Variants in ARHGEF1 observed in about 807,000 individuals in gnomAD.
ARHGEF1 encodes Rho guanine nucleotide exchange factor 1, also known as 115 kDa guanine nucleotide exchange factor.
In ARHGEF1, 40 loss-of-function variants were observed where a neutral mutation model predicts 119.7. The ratio of observed to expected loss-of-function variants is 0.33; its 90% CI spans 0.26 to 0.44. The LOEUF is 0.44. Ranked by LOEUF, ARHGEF1 falls within the 20% of genes least tolerant of loss-of-function variation. ARHGEF1 has a pLI of 1.00. For missense variants in ARHGEF1, 976 were observed against 1,268.3 expected, an observed-to-expected ratio of 0.77 and a Z score of 3.50; for synonymous variants, 494 against 521.0, an observed-to-expected ratio of 0.95 and a Z score of 0.71.
chr19:41,884,549 G>C, intron 1 of ARHGEF1: 2 of 1,594,054 alleles, frequency 1.3e-6, no homozygotes, highest in South Asian at 2.2e-5. Context: ...GTCCTCCCCG[G>C]CATCCCTGGC....
chr19:41,920,863 G>C (rs544664247), upstream of ARHGEF1, among the ~76,000 whole-genome samples: 4 of 152,356 alleles, frequency 2.6e-5, no homozygotes, highest in African/African-American at 9.6e-5. Context: ...CAGAGACAGA[G>C]AGGCCTGTGG....
chr19:41,920,859 CAG>C (rs1187806658), upstream of ARHGEF1, among the ~76,000 whole-genome samples: 2 of 152,346 alleles, frequency 1.3e-5, no homozygotes, highest in East Asian at 1.9e-4. Flanking sequence ...AGGCCAGAGA[CAG>C]AGAGGCCTGT....
Position 41,903,603 on chromosome 19 carries a change from C to T in ARHGEF1, c.1840-104C>T. 1.5e-6 allele frequency: 2 copies of T among 1,296,278 alleles called. No homozygotes were observed. Among genetic ancestry groups the T allele is most frequent in the Non-Finnish European group, 2.2e-6 (2 of 919,444 alleles). The allele number at this position is 1,296,278 out of a possible 1,614,324, so 80.3% of individuals were successfully genotyped here. On this transcript the variant is annotated intron_variant, in intron 19 of 28. Coordinates refer to ENST00000354532, the MANE Select transcript of ARHGEF1 (RefSeq NM_004706.4). This position sits in a 1 kb window ranked among gnomAD's most constrained non-coding sequence, Gnocchi z 4.2. ...GAGGTCAGGCCCAACCCTCAGCTTG[C>T]CCGCATCAGAAGTTGGTCTTGGCTC...
chr19:41,899,159 T>C (rs530337299), intron 14 of ARHGEF1, among the ~76,000 whole-genome samples: 1 of 151,930 alleles, frequency 6.6e-6, no homozygotes, highest in East Asian at 1.9e-4. Flanking sequence ...TGGCTAATTT[T>C]TGTATTCTTT....
chr19:41,898,275 A>T, intron 13 of ARHGEF1, 167 bp from the exon 14 acceptor site: 1 of 1,298,602 alleles, frequency 7.7e-7, no homozygotes, highest in Non-Finnish European at 1.0e-6. Context: ...GCTTCTAGAG[A>T]TCTGGGAACT....
chr19:41,914,610 CT>C (rs1470874852), intron 18 of ARHGEF1, among the ~76,000 whole-genome samples: 6 of 56,348 alleles, frequency 1.1e-4, no homozygotes, highest in Non-Finnish European at 1.6e-4. Flanking sequence ...CTGTCTCTCC[CT>C]CCCCTTCCAC....
At chr19:41,909,514 C>T (rs572185116), downstream of ARHGEF1, 11 of 1,245,412 alleles carry the variant, frequency 8.8e-6, no homozygotes, top group East Asian at 2.8e-4. This position sits in a 1 kb window ranked among gnomAD's most constrained non-coding sequence, Gnocchi z 5.2. Context: ...AGGGGGAGCC[C>T]TGGGGCGGGA....
At position 41,906,082 on chromosome 19, in the gene ARHGEF1, A is replaced by T; in HGVS notation, c.2491+57A>T. On this transcript the variant is annotated intron_variant, in intron 26 of 28. Transcript: ENST00000354532. The surrounding 1 kb of genome is among the most constrained non-coding windows in gnomAD (Gnocchi z 4.5). ...CCAGCCCAAACAGTGCCTCTGTTCC[A>T]ACTAGAACAAGGCTCTCCACGTCAA... 2 of 1,500,456 alleles carry T rather than the reference A, an allele frequency of 1.3e-6. No homozygotes were observed. The highest frequency in any genetic ancestry group is 1.8e-6 in the Non-Finnish European group (2 of 1,081,722). The allele number at this position is 1,500,456 out of a possible 1,614,324, so 92.9% of individuals were successfully genotyped here.
Position 41,892,548 on chromosome 19 carries a change from C to A in ARHGEF1, c.368-55C>A. 2 of 1,564,372 alleles carry A rather than the reference C, an allele frequency of 1.3e-6. No individual in the cohort carries two copies. The highest frequency in any genetic ancestry group is 2.7e-5 in the African/African-American group (2 of 73,142). ...GTTGGAGTCCAAGGGTGGGTGGGGACCGTGGTCCAAGCCACCAGGGAGCTG... is the reference window on the plus strand; with the variant it reads ...GTTGGAGTCCAAGGGTGGGTGGGGAACGTGGTCCAAGCCACCAGGGAGCTG... On this transcript the variant is annotated intron_variant, in intron 6 of 28. Coordinates refer to ENST00000354532, the MANE Select transcript of ARHGEF1 (RefSeq NM_004706.4). This position sits in a 1 kb window ranked among gnomAD's most constrained non-coding sequence, Gnocchi z 6.3.
In ARHGEF1 at chr19:41,896,340, A is replaced by G. The variant is rs1388229465; in HGVS notation, c.1016-37A>G. 3.5e-6 allele frequency: 4 copies of G among 1,140,784 alleles called. No homozygotes were observed. The African/African-American group carries it at 5.0e-5, about 14-fold the overall frequency. The allele number at this position is 1,140,784 out of a possible 1,614,324, so 70.7% of individuals were successfully genotyped here. On this transcript the variant is annotated intron_variant, in intron 12 of 28. Coordinates refer to ENST00000354532, the MANE Select transcript of ARHGEF1 (RefSeq NM_004706.4). ...CAGAGTGTGGGTCTCGTGGCCGCAGAGGCCTTCCAGCCAGCCCTGCTCCCT... is the reference window on the plus strand; with the variant it reads ...CAGAGTGTGGGTCTCGTGGCCGCAGGGGCCTTCCAGCCAGCCCTGCTCCCT...
downstream of ARHGEF1, chr19:41,907,560 G>C: frequency 4.5e-6 from 3 of 661,420 alleles, no homozygotes; most frequent in Non-Finnish European, 7.4e-6. Flanking sequence ...CCCTCCAGTT[G>C]TTCATTCATT....
upstream of ARHGEF1, among the ~76,000 whole-genome samples, chr19:41,919,508 C>T (rs1052286763): frequency 7.4e-6 from 1 of 135,024 alleles, no homozygotes; most frequent in Admixed American, 6.7e-5. Context: ...TGCACGTGCA[C>T]GCGTACACAC....
In ARHGEF1 at chr19:41,906,245, ATC is replaced by A. The variant is rs1252063831; in HGVS notation, c.2492-208_2492-207del. The stretch of plus-strand genomic sequence containing the variant: ...CTATATTTAGCCTCTTCCTGAACAC[ATC>A]TCTGTCTTCAGTACCTTCCTGCCCT... On this transcript the variant is annotated intron_variant, in intron 26 of 28. Transcript: ENST00000354532. The surrounding 1 kb of genome is among the most constrained non-coding windows in gnomAD (Gnocchi z 4.5). 5 of 659,878 alleles carry A rather than the reference ATC, an allele frequency of 7.6e-6. No homozygotes were observed. The highest frequency in any genetic ancestry group is 7.8e-6 in the Non-Finnish European group (3 of 382,310). The allele number at this position is 659,878 out of a possible 1,614,324, so 40.9% of individuals were successfully genotyped here. A position where few individuals can be genotyped will look rare whatever the true frequency, so the allele number is the denominator to read the frequency against.
Position 41,914,606 on chromosome 19 carries a change from C to T in ARHGEF1, c.1865+7803C>T, listed in dbSNP as rs373930607. ...CCCTCCCTTTCCACCATCTCTGTCT[C>T]TCCCTCCCCTTCCACCATCTCTGTC... On this transcript the variant is annotated intron_variant, in intron 18 of 20. Coordinates refer to the ARHGEF1 transcript ENST00000599589. Among the ~76,000 whole-genome samples the T allele has an allele frequency of 5.7e-4, 34 of 59,578 alleles. 4 individuals are homozygous for T. Among genetic ancestry groups the T allele is most frequent in the Admixed American group, 1.3e-3 (9 of 7,148 alleles). 39.1% of individuals were successfully genotyped at this position (59,578 alleles called of 152,430 possible).
In ARHGEF1 at chr19:41,905,306, C is replaced by G. The variant is rs782237638; in HGVS notation, c.2336+45C>G. 1.3e-6 allele frequency: 2 copies of G among 1,553,468 alleles called. No individual in the cohort carries two copies. Among genetic ancestry groups the G allele is most frequent in the Non-Finnish European group, 1.7e-6 (2 of 1,143,978 alleles). ...GAGCTGGAGGTTCAGGGAGTGGGGC[C>G]GGAAGGCGGGGCAGGCTTCCCTCCA... On this transcript the variant is annotated intron_variant, in intron 24 of 28. Coordinates refer to ENST00000354532, the MANE Select transcript of ARHGEF1 (RefSeq NM_004706.4). This position sits in a 1 kb window ranked among gnomAD's most constrained non-coding sequence, Gnocchi z 6.4.
chr19:41,898,327 C>T, intron 13 of ARHGEF1, 115 bp from the exon 14 acceptor site: 2 of 1,479,758 alleles, frequency 1.4e-6, no homozygotes, highest in Non-Finnish European at 1.8e-6. Context: ...CTGCACGGGC[C>T]ACCCTGCGGG....
upstream of ARHGEF1, among the ~76,000 whole-genome samples, chr19:41,918,424 T>A (rs1184931276): frequency 5.7e-4 from 75 of 131,502 alleles, no homozygotes; most frequent in Non-Finnish European, 1.9e-4. Flanking sequence ...CACACACATA[T>A]CACACACACA....
chr19:41,892,274 G>T lies in ARHGEF1; in HGVS notation c.325-57G>T. On this transcript the variant is annotated intron_variant, in intron 5 of 28. Coordinates refer to ENST00000354532, the MANE Select transcript of ARHGEF1 (RefSeq NM_004706.4). The surrounding 1 kb of genome is among the most constrained non-coding windows in gnomAD (Gnocchi z 6.3). Reference sequence around the variant, plus strand: ...GACCAGGGTTCCTGGCAGTCCTCCCGGCCTGCATCTCAGCACACCAAGTCC... The same window carrying T: ...GACCAGGGTTCCTGGCAGTCCTCCCTGCCTGCATCTCAGCACACCAAGTCC... 6.2e-7 allele frequency: 1 copy of T among 1,608,936 alleles called. No homozygotes were observed. The highest frequency in any genetic ancestry group is 2.2e-5 in the East Asian group (1 of 44,860).
exon 1 of ARHGEF1, chr19:41,923,209 G>A (rs1489651191): frequency 6.6e-6 from 3 of 456,266 alleles, no homozygotes; most frequent in South Asian, 3.1e-5. Flanking sequence ...CCACAGGGAT[G>A]AGGTGAGCCT....
Sources: allele counts gnomAD v4.1 joint callset (sites outside exome capture counted in the v4.1 genomes callset), GRCh38; gene constraint gnomAD v4.1.1; non-coding constraint Gnocchi (gnomAD v3.1); transcripts MANE v1.5; gene names NCBI Gene and HGNC (gene_info 2026-07-23, HGNC 2026-07-21).